Variants in NSRP1 observed in about 807,000 individuals in gnomAD.
The protein encoded by NSRP1 is coiled-coil domain containing 55.
Under a neutral mutation model 54.7 loss-of-function variants are expected in NSRP1, and 24 were observed. The ratio of observed to expected loss-of-function variants is 0.44; its 90% CI spans 0.32 to 0.62. NSRP1 has a LOEUF of 0.62. Ranked by LOEUF, NSRP1 falls within the 20% of genes least tolerant of loss-of-function variation. The probability of loss-of-function intolerance (pLI) is 0.06; values close to 1 mark genes in which losing one functional copy is unlikely to be tolerated. For missense variants in NSRP1, 596 were observed against 651.2 expected (o/e 0.92, Z 0.92); for synonymous variants, 210 against 213.8 (o/e 0.98, Z 0.15).
At chr17:30,178,046 G>A in intron 3 of NSRP1, 25 bp from the exon 4 acceptor site, 2 of 1,608,998 alleles carry the variant, frequency 1.2e-6, no homozygotes, top group South Asian at 2.2e-5. Flanking sequence ...TCATATTTTT[G>A]AAACATGTTT....
At chr17:30,126,797 C>T (rs2071653956) in intron 2 of NSRP1, among the ~76,000 whole-genome samples, 1 of 152,306 alleles carries the variant, frequency 6.6e-6, no homozygotes, top group Middle Eastern at 3.4e-3. Context: ...CCATGTTGCC[C>T]AGGCGGGTCT....
At chr17:30,121,362 T>TG (rs1305857302) in intron 2 of NSRP1, among the ~76,000 whole-genome samples, 4 of 151,140 alleles carry the variant, frequency 2.6e-5, no homozygotes, top group Admixed American at 1.3e-4. Flanking sequence ...TGGGAATTAA[T>TG]GGGGAAAAAT....
At chr17:30,174,956 G>A (rs766698266) in intron 3 of NSRP1, among the ~76,000 whole-genome samples, 2 of 151,982 alleles carry the variant, frequency 1.3e-5, no homozygotes, top group African/African-American at 4.8e-5. Context: ...CTTTTCTTTC[G>A]CTGCAATTAT....
intron 2 of NSRP1, among the ~76,000 whole-genome samples, chr17:30,161,500 A>G (rs981628685): frequency 6.6e-6 from 1 of 152,218 alleles, no homozygotes; most frequent in African/African-American, 2.4e-5. Flanking sequence ...ATTGTTTCAT[A>G]TAAACACATT....
intron 2 of NSRP1, among the ~76,000 whole-genome samples, chr17:30,152,562 T>G (rs2071922487): frequency 6.6e-6 from 1 of 152,032 alleles, no homozygotes; most frequent in Non-Finnish European, 1.5e-5. Context: ...AACGTTTAGA[T>G]TAACTCCATT....
At chr17:30,155,056 T>TTA (rs2071948727) in intron 2 of NSRP1, among the ~76,000 whole-genome samples, 1 of 152,238 alleles carries the variant, frequency 6.6e-6, no homozygotes. Context: ...CATCAGCACT[T>TTA]TAAAGTTACT....
chr17:30,134,981 G>A (rs1041056584), intron 2 of NSRP1, among the ~76,000 whole-genome samples: 2 of 152,006 alleles, frequency 1.3e-5, no homozygotes, highest in African/African-American at 4.8e-5. Context: ...CAACAAAATT[G>A]ACATCCCATT....
At chr17:30,183,007 T>C (rs1905368060) in intron 6 of NSRP1, among the ~76,000 whole-genome samples, 1 of 152,126 alleles carries the variant, frequency 6.6e-6, no homozygotes, top group East Asian at 1.9e-4. Flanking sequence ...GCGGCCACAT[T>C]TCATATACTC....
intron 2 of NSRP1, among the ~76,000 whole-genome samples, chr17:30,166,768 C>CA (rs1567802730): frequency 6.6e-6 from 1 of 151,838 alleles, no homozygotes; most frequent in East Asian, 1.9e-4. Flanking sequence ...ACTAAAAATA[C>CA]AAAAAAAATT....
chr17:30,155,055 T>G (rs1340228468), intron 2 of NSRP1, among the ~76,000 whole-genome samples: 1 of 152,236 alleles, frequency 6.6e-6, no homozygotes, highest in Non-Finnish European at 1.5e-5. Context: ...CCATCAGCAC[T>G]TTAAAGTTAC....
In NSRP1 at chr17:30,185,504, A is replaced by G; in HGVS notation, c.1507A>G (p.Thr503Ala). ...ATCACTGGGAGCAAAACACAGACTCACAGAGGAAGGGCAAGAGAAGGGTAA... is the reference window on the plus strand; with the variant it reads ...ATCACTGGGAGCAAAACACAGACTCGCAGAGGAAGGGCAAGAGAAGGGTAA... ...ESSLGAKHRL[T>A]EEGQEKGKEQ... Residue 503 changes from threonine (T) to alanine (A), a missense_variant, in exon 7 of 7, where the codon ACA becomes GCA. Thr to Ala is a moderately conservative substitution (Grantham distance 58). Transcript: ENST00000247026. 1.9e-6 allele frequency: 3 copies of G among 1,613,510 alleles called. No individual in the cohort carries two copies. The highest frequency in any genetic ancestry group is 2.5e-6 in the Non-Finnish European group (3 of 1,179,494).
chr17:30,142,870 C>T (rs935799280), intron 2 of NSRP1, among the ~76,000 whole-genome samples: 2 of 152,064 alleles, frequency 1.3e-5, no homozygotes, highest in Non-Finnish European at 2.9e-5. Flanking sequence ...TCACTACGTA[C>T]CATTATATTA....
At chr17:30,154,711 C>CAA (rs567375351) in intron 2 of NSRP1, 5 of 111,052 alleles carry the variant, frequency 4.5e-5, no homozygotes, top group Admixed American at 9.5e-5. Context: ...GACCCTGTCT[C>CAA]AAAAAAAAAA....
chr17:30,169,810 G>A (rs1904860110), intron 2 of NSRP1, among the ~76,000 whole-genome samples: 1 of 151,304 alleles, frequency 6.6e-6, no homozygotes, highest in Non-Finnish European at 1.5e-5. Flanking sequence ...ATTTGTCTGT[G>A]GTCATAGAGA....
chr17:30,162,587 T>C (rs1410551715), intron 2 of NSRP1, among the ~76,000 whole-genome samples: 1 of 152,246 alleles, frequency 6.6e-6, no homozygotes, highest in Non-Finnish European at 1.5e-5. Context: ...GAAAGAAGGA[T>C]TGGTTCTTGA....
intron 2 of NSRP1, among the ~76,000 whole-genome samples, 194 bp from the exon 3 acceptor site, chr17:30,172,348 G>A (rs1904981096): frequency 6.6e-6 from 1 of 152,192 alleles, no homozygotes; most frequent in South Asian, 2.1e-4. Context: ...GAGCACTAAT[G>A]TGAAGCTCAA....
At chr17:30,131,316 T>C (rs1314100322) in intron 2 of NSRP1, among the ~76,000 whole-genome samples, 2 of 151,064 alleles carry the variant, frequency 1.3e-5, no homozygotes, top group African/African-American at 5.0e-5. Flanking sequence ...AAAATTTAAT[T>C]AGTAATCTTA....
At chr17:30,171,467 G>A (rs1216256670) in intron 2 of NSRP1, among the ~76,000 whole-genome samples, 7 of 150,256 alleles carry the variant, frequency 4.7e-5, no homozygotes, top group Non-Finnish European at 7.4e-5. Context: ...CAACACTCCC[G>A]GCTCATCTTT....
intron 2 of NSRP1, among the ~76,000 whole-genome samples, chr17:30,164,012 T>C (rs1041625987): frequency 6.6e-6 from 1 of 151,578 alleles, no homozygotes; most frequent in African/African-American, 2.4e-5. Flanking sequence ...CCCCTTATAA[T>C]GTGTATGTGT....
Sources: allele counts gnomAD v4.1 joint callset (sites outside exome capture counted in the v4.1 genomes callset), GRCh38; gene constraint gnomAD v4.1.1; transcripts MANE v1.5; gene names NCBI Gene and HGNC (gene_info 2026-07-23, HGNC 2026-07-21).